PIBF1: variants seen among roughly 807,000 people sequenced by gnomAD.
PIBF1 encodes progesterone-induced-blocking factor 1.
PIBF1 carries 90 observed loss-of-function variants against 112.5 expected under a neutral mutation model. The ratio of observed to expected loss-of-function variants is 0.80; its 90% CI spans 0.67 to 0.95. The LOEUF is 0.95. Ranked by LOEUF, PIBF1 falls within the 40% of genes least tolerant of loss-of-function variation. The pLI is 0.00. For synonymous variants in PIBF1, 301 were observed against 288.6 expected, an observed-to-expected ratio of 1.04 and a Z score of -0.44; for missense variants, 915 against 852.3, an observed-to-expected ratio of 1.07 and a Z score of -0.92.
chr13:72,885,484 A>G (rs2039812949), intron 10 of PIBF1, among the ~76,000 whole-genome samples: 1 of 152,148 alleles, frequency 6.6e-6, no homozygotes, highest in Non-Finnish European at 1.5e-5. Flanking sequence ...TCATTCACTC[A>G]GTAAGCATTA....
chr13:72,946,370 G>A (rs1473700027), intron 14 of PIBF1, among the ~76,000 whole-genome samples: 2 of 152,084 alleles, frequency 1.3e-5, no homozygotes, highest in Admixed American at 6.6e-5. Context: ...CACAACACAT[G>A]GGGATTTTAG....
intron 13 of PIBF1, 28 bp downstream of exon 13, chr13:72,917,194 T>A (rs1594191742): frequency 2.3e-6 from 3 of 1,324,582 alleles, no homozygotes; most frequent in Non-Finnish European, 3.1e-6. Flanking sequence ...TTATTTTATT[T>A]ATCTACTCAA....
At chr13:72,988,937 C>G (rs992244810) in intron 16 of PIBF1, among the ~76,000 whole-genome samples, 4 of 152,066 alleles carry the variant, frequency 2.6e-5, no homozygotes, top group Non-Finnish European at 5.9e-5. Flanking sequence ...ACTCAGGAGG[C>G]TGAGGCAGGA....
chr13:72,820,162 C>A (rs2036485499), intron 5 of PIBF1, among the ~76,000 whole-genome samples: 1 of 152,072 alleles, frequency 6.6e-6, no homozygotes, highest in Non-Finnish European at 1.5e-5. Flanking sequence ...TTGATATATG[C>A]TTCACAAGAA....
chr13:72,794,835 T>G lies in PIBF1; in HGVS notation c.354-524T>G, dbSNP rs77514404. Among the ~76,000 whole-genome samples, 784 of 152,314 alleles carry G rather than the reference T, an allele frequency of 5.1e-3. 11 individuals are homozygous for G. Among genetic ancestry groups the G allele is most frequent in the African/African-American group, 0.018 (746 of 41,562 alleles). ...TGAGAGCAGACTAATAACATCAGAT[T>G]GTCCCTTCCTGATCAGAATCTTTCA... On this transcript the variant is annotated intron_variant, in intron 3 of 17. Coordinates refer to ENST00000326291, the MANE Select transcript of PIBF1 (RefSeq NM_006346.4).
chr13:72,834,591 C>G (rs1365887434), intron 8 of PIBF1, among the ~76,000 whole-genome samples: 2 of 151,972 alleles, frequency 1.3e-5, no homozygotes, highest in Non-Finnish European at 2.9e-5. Context: ...TGTACTTCAT[C>G]CTGGGTGAGA....
intron 14 of PIBF1, among the ~76,000 whole-genome samples, chr13:72,961,975 A>C (rs181746874): frequency 6.6e-6 from 1 of 152,308 alleles, no homozygotes; most frequent in East Asian, 1.9e-4. Context: ...TCCTGAAAAA[A>C]AATTAACAAA....
At chr13:72,810,880 G>A (rs1222187605) in intron 5 of PIBF1, among the ~76,000 whole-genome samples, 4 of 148,302 alleles carry the variant, frequency 2.7e-5, no homozygotes, top group Admixed American at 6.7e-5. Context: ...TTTTTGAGAC[G>A]GAGTCTCGTT....
intron 9 of PIBF1, 141 bp downstream of exon 9, chr13:72,835,509 T>G: frequency 1.7e-6 from 1 of 584,810 alleles, no homozygotes; most frequent in South Asian, 3.1e-5. Flanking sequence ...AATCTAAGTA[T>G]AATGAGAACA....
At chr13:72,851,219 G>A (rs545364705) in intron 9 of PIBF1, among the ~76,000 whole-genome samples, 39 of 152,264 alleles carry the variant, frequency 2.6e-4, no homozygotes, top group African/African-American at 7.5e-4. Context: ...CCTCCCAGGC[G>A]CAGCTGCAGT....
At chr13:72,946,978 G>A (rs1313900917) in intron 14 of PIBF1, among the ~76,000 whole-genome samples, 3 of 152,150 alleles carry the variant, frequency 2.0e-5, no homozygotes, top group South Asian at 2.1e-4. Flanking sequence ...GTCTTCTCAC[G>A]GCTCCACTAG....
Position 72,816,261 on chromosome 13 carries a change from G to T in PIBF1, c.673-5588G>T, listed in dbSNP as rs149877982. Among the ~76,000 whole-genome samples, 364 of 152,270 alleles carry T rather than the reference G, an allele frequency of 2.4e-3. 1 individual carries two copies. Among genetic ancestry groups the T allele is most frequent in the African/African-American group, 8.2e-3 (340 of 41,556 alleles). On this transcript the variant is annotated intron_variant, in intron 5 of 17. Coordinates refer to ENST00000326291, the MANE Select transcript of PIBF1 (RefSeq NM_006346.4). The stretch of plus-strand genomic sequence containing the variant: ...TAAGTCCAGAAAAGTTGACTTGCTA[G>T]AGCAAAAAGTAGGAGAGACAGAATC...
chr13:72,914,110 T>A (rs1400446788), intron 12 of PIBF1, among the ~76,000 whole-genome samples: 1 of 152,112 alleles, frequency 6.6e-6, no homozygotes, highest in Non-Finnish European at 1.5e-5. Flanking sequence ...TTCGGCTGAC[T>A]TTTTTCAACA....
At chr13:72,923,111 C>T (rs2041356707) in intron 13 of PIBF1, among the ~76,000 whole-genome samples, 1 of 152,160 alleles carries the variant, frequency 6.6e-6, no homozygotes. Flanking sequence ...AATAAGCATG[C>T]CTCACATATT....
chr13:72,870,074 A>T (rs968964883), intron 10 of PIBF1, among the ~76,000 whole-genome samples: 1 of 152,178 alleles, frequency 6.6e-6, no homozygotes, highest in Non-Finnish European at 1.5e-5. Flanking sequence ...TTGTTCCCAC[A>T]TAATTGTACA....
At chr13:72,943,699 T>TA (rs1308308570) in intron 14 of PIBF1, among the ~76,000 whole-genome samples, 5 of 152,346 alleles carry the variant, frequency 3.3e-5, no homozygotes, top group African/African-American at 1.2e-4. Flanking sequence ...ACCACTTTGT[T>TA]ACCTTCGTAC....
intron 13 of PIBF1, among the ~76,000 whole-genome samples, chr13:72,924,892 T>A (rs1387915776): frequency 6.6e-6 from 1 of 152,160 alleles, no homozygotes; most frequent in East Asian, 1.9e-4. Context: ...TTAGGCTATG[T>A]CAGTCAGAGG....
intron 14 of PIBF1, among the ~76,000 whole-genome samples, chr13:72,952,072 T>C (rs1261016720): frequency 6.7e-6 from 1 of 148,712 alleles, no homozygotes; most frequent in East Asian, 2.0e-4. Flanking sequence ...TCTTGCTCTG[T>C]TGCCTCGTCT....
chr13:72,795,455 A>G lies in PIBF1; in HGVS notation c.450A>G (p.Gly150=). ...ETNLQLREKA[G]DVRRNLRDFE... is the part of the protein sequence containing the mutation. ...ATCTTCAGCTAAGAGAAAAAGCTGG[A>G]GATGTTCGTCGAAACCTGCGTGACT... Residue 150 remains glycine, a synonymous_variant, in exon 4 of 18, where the codon GGA becomes GGG. Transcript: ENST00000326291. The G allele has an allele frequency of 6.2e-7, 1 of 1,610,548 alleles. No homozygotes were observed. The highest frequency in any genetic ancestry group is 1.7e-5 in the Admixed American group (1 of 59,486).
Sources: allele counts gnomAD v4.1 joint callset (sites outside exome capture counted in the v4.1 genomes callset), GRCh38; gene constraint gnomAD v4.1.1; transcripts MANE v1.5; gene names NCBI Gene and HGNC (gene_info 2026-07-23, HGNC 2026-07-21).